DAPK1: variants seen among roughly 807,000 people sequenced by gnomAD.
The protein encoded by DAPK1 is death-associated protein kinase 1.
In DAPK1, 56 loss-of-function variants were observed where a neutral mutation model predicts 144.9. The observed-to-expected ratio is 0.39, with a 90% confidence interval of 0.31 to 0.48. The LOEUF (loss-of-function observed/expected upper bound fraction) is 0.48, where lower values mean the gene tolerates loss of function less well. Ranked by LOEUF, DAPK1 falls within the 20% of genes least tolerant of loss-of-function variation. The pLI is 0.95. For synonymous variants in DAPK1, 690 were observed against 749.0 expected (o/e 0.92, Z 1.29); for missense variants, 1,454 against 1,875.4 (o/e 0.78, Z 4.15).
At chr9:87,577,433 C>G (rs919884230) in intron 2 of DAPK1, among the ~76,000 whole-genome samples, 3 of 152,112 alleles carry the variant, frequency 2.0e-5, no homozygotes, top group Non-Finnish European at 4.4e-5. Flanking sequence ...ATACGAAAGC[C>G]AGGGTCCCCC....
At chr9:87,509,354 C>T (rs947429048) in intron 2 of DAPK1, among the ~76,000 whole-genome samples, 48 of 152,068 alleles carry the variant, frequency 3.2e-4, no homozygotes, top group Non-Finnish European at 7.4e-5. Flanking sequence ...GCACAGCCTG[C>T]CAGCATTTTC....
At chr9:87,555,339 C>T (rs906480537) in intron 2 of DAPK1, among the ~76,000 whole-genome samples, 1 of 152,146 alleles carries the variant, frequency 6.6e-6, no homozygotes, top group African/African-American at 2.4e-5. Context: ...TCTGCCCTCC[C>T]TTTTGCCTTC....
chr9:87,640,264 A>G (rs776350936), intron 7 of DAPK1, 34 bp from the exon 8 acceptor site: 2 of 1,597,634 alleles, frequency 1.3e-6, no homozygotes, highest in Non-Finnish European at 1.7e-6. Context: ...AGGGGTCATC[A>G]TTAATGTTCT....
chr9:87,601,828 C>T (rs1392726643), intron 2 of DAPK1, among the ~76,000 whole-genome samples: 1 of 152,172 alleles, frequency 6.6e-6, no homozygotes, highest in Non-Finnish European at 1.5e-5. Context: ...TGGCTTCTAG[C>T]CGTTACACAA....
At chr9:87,598,036 C>T (rs540078287) in intron 2 of DAPK1, among the ~76,000 whole-genome samples, 2 of 152,314 alleles carry the variant, frequency 1.3e-5, no homozygotes, top group Non-Finnish European at 2.9e-5. Context: ...TCTGTAAACC[C>T]TCAGGGTCTT....
intron 2 of DAPK1, among the ~76,000 whole-genome samples, chr9:87,542,917 T>A (rs1041892099): frequency 5.3e-5 from 8 of 152,186 alleles, no homozygotes; most frequent in Non-Finnish European, 1.5e-5. Flanking sequence ...CGATCATAAA[T>A]AGATGTTCTG....
At chr9:87,508,621 C>T (rs974639332) in intron 2 of DAPK1, among the ~76,000 whole-genome samples, 1 of 152,122 alleles carries the variant, frequency 6.6e-6, no homozygotes, top group Non-Finnish European at 1.5e-5. Context: ...GGATTACAGG[C>T]GTGAGCCACC....
intron 16 of DAPK1, 122 bp from the exon 17 acceptor site, chr9:87,651,405 A>T: frequency 1.1e-6 from 1 of 927,774 alleles, no homozygotes; most frequent in Non-Finnish European, 1.7e-6. Flanking sequence ...ATCCTCCACT[A>T]GGGCTTTTAG....
At chr9:87,603,341 G>A (rs146203103) in intron 2 of DAPK1, among the ~76,000 whole-genome samples, 18 of 152,290 alleles carry the variant, frequency 1.2e-4, no homozygotes, top group Non-Finnish European at 2.2e-4. Context: ...CATAGACCCC[G>A]TAATTGTTTA....
At chr9:87,612,837 C>T (rs1348057570) in intron 3 of DAPK1, among the ~76,000 whole-genome samples, 1 of 152,146 alleles carries the variant, frequency 6.6e-6, no homozygotes, top group Non-Finnish European at 1.5e-5. Context: ...AAGAAATGGA[C>T]ATCACCAGGT....
At chr9:87,544,581 C>G (rs1398363427) in intron 2 of DAPK1, among the ~76,000 whole-genome samples, 1 of 152,102 alleles carries the variant, frequency 6.6e-6, no homozygotes, top group Non-Finnish European at 1.5e-5. Flanking sequence ...TCCTTGCAAA[C>G]ACAATATGCA....
rs752821318 is a variant in DAPK1, at chr9:87,706,103, A to C, written c.3061-29A>C. The C allele has an allele frequency of 5.2e-6, 8 of 1,550,122 alleles. No homozygotes were observed. The South Asian group carries it at 6.1e-5, about 12-fold the overall frequency. On this transcript the variant is annotated intron_variant, in intron 25 of 25. Coordinates refer to ENST00000408954, the MANE Select transcript of DAPK1 (RefSeq NM_004938.4). The surrounding 1 kb of genome is among the most constrained non-coding windows in gnomAD (Gnocchi z 9.0). ...TGCACCTGGCCAGGGCTCTGTCCCT[A>C]AGCGTGACTTTCTGTTGTCCCCCCG...
At chr9:87,632,217 A>G in intron 3 of DAPK1, 4 of 970,394 alleles carry the variant, frequency 4.1e-6, no homozygotes, top group Non-Finnish European at 4.9e-6. Flanking sequence ...GTATATATGT[A>G]GGGATAAAGG....
intron 18 of DAPK1, among the ~76,000 whole-genome samples, chr9:87,663,732 G>A (rs1830947898): frequency 6.6e-6 from 1 of 152,018 alleles, no homozygotes; most frequent in Non-Finnish European, 1.5e-5. Flanking sequence ...GCCCCTGAGT[G>A]CCAGCCTCAC....
At chr9:87,521,959 G>A (rs542272125) in intron 2 of DAPK1, among the ~76,000 whole-genome samples, 1 of 152,346 alleles carries the variant, frequency 6.6e-6, no homozygotes, top group South Asian at 2.1e-4. Context: ...ATAAGAGGAA[G>A]AGAGGCCCAA....
At chr9:87,612,034 T>G (rs906661691) in intron 3 of DAPK1, among the ~76,000 whole-genome samples, 1 of 152,230 alleles carries the variant, frequency 6.6e-6, no homozygotes, top group Non-Finnish European at 1.5e-5. Flanking sequence ...GTCTTCTTAC[T>G]GTCATAACAT....
chr9:87,706,091 G>A lies in DAPK1; in HGVS notation c.3061-41G>A, dbSNP rs766689352. ...CTAAGTGGCTGGTGCACCTGGCCAG[G>A]GCTCTGTCCCTAAGCGTGACTTTCT... On this transcript the variant is annotated intron_variant, in intron 25 of 25. Coordinates refer to ENST00000408954, the MANE Select transcript of DAPK1 (RefSeq NM_004938.4). The surrounding 1 kb of genome is among the most constrained non-coding windows in gnomAD (Gnocchi z 9.0). 6.6e-7 allele frequency: 1 copy of A among 1,511,328 alleles called. No homozygotes were observed. The highest frequency in any genetic ancestry group is 1.2e-5 in the South Asian group (1 of 80,236). 93.6% of individuals were successfully genotyped at this position (1,511,328 alleles called of 1,614,324 possible). A position where few individuals can be genotyped will look rare whatever the true frequency, so the allele number is the denominator to read the frequency against.
intron 18 of DAPK1, among the ~76,000 whole-genome samples, chr9:87,663,822 A>G (rs1280689222): frequency 6.6e-6 from 1 of 151,964 alleles, no homozygotes; most frequent in Non-Finnish European, 1.5e-5. Context: ...CCCAGTGTTC[A>G]GCCTCTGCAA....
Position 87,661,468 on chromosome 9 carries a change from G to A in DAPK1, c.1923+3341G>A, listed in dbSNP as rs190679017. Reference sequence around the variant, plus strand: ...AATGTATAAAAGTTCCCCTTTCTCTGCATCCTCTCCAACATCTGTTATTTT... The same window carrying A: ...AATGTATAAAAGTTCCCCTTTCTCTACATCCTCTCCAACATCTGTTATTTT... On this transcript the variant is annotated intron_variant, in intron 18 of 25. Transcript: ENST00000408954. 1.2e-3 allele frequency among the ~76,000 whole-genome samples: 179 copies of A among 152,200 alleles called. 1 individual carries two copies. The highest frequency in any genetic ancestry group is 4.0e-3 in the African/African-American group (168 of 41,534).
Sources: gnomAD v4.1 joint callset for allele counts (sites outside exome capture counted in the v4.1 genomes callset) on GRCh38, gnomAD v4.1.1 for gene constraint, Gnocchi (gnomAD v3.1) non-coding constraint, MANE v1.5 for transcripts, NCBI Gene and HGNC (gene_info 2026-07-23, HGNC 2026-07-21) for gene names.